TEX14: variants seen among roughly 807,000 people sequenced by gnomAD.
TEX14 encodes inactive serine/threonine-protein kinase TEX14.
TEX14 carries 168 observed loss-of-function variants against 178.6 expected under a neutral mutation model. The ratio of observed to expected loss-of-function variants is 0.94; its 90% CI spans 0.83 to 1.07. TEX14 has a LOEUF of 1.07. Ranked by LOEUF, TEX14 falls within the 50% of genes least tolerant of loss-of-function variation. The pLI is 0.00. For missense variants in TEX14, 1,730 were observed against 1,753.6 expected, an observed-to-expected ratio of 0.99 and a Z score of 0.24; for synonymous variants, 626 against 634.1, an observed-to-expected ratio of 0.99 and a Z score of 0.19.
In TEX14 at chr17:58,565,804, C is replaced by T. The variant is rs754003655; in HGVS notation, c.3907G>A (p.Gly1303Ser). The change falls in exon 27 of 32, where the codon GGC (glycine) becomes AGC (serine). Residue 1303 changes from glycine (G) to serine (S), a missense_variant. Transcript: ENST00000349033. ...TTCTCATGCAACACCGTGGATGAGC[C>T]CTGCTGCTGTTTCAAGAGCTCTGTC... is the stretch of plus-strand genomic sequence containing the variant. ...DDIELLKQQQ[G>S]SSTVLHENTA... The T allele has an allele frequency of 2.5e-6, 4 of 1,608,100 alleles. No individual in the cohort carries two copies. The South Asian group carries it at 4.5e-5, about 18-fold the overall frequency.
intron 2 of TEX14, among the ~76,000 whole-genome samples, chr17:58,643,769 G>A (rs188690360): frequency 1.2e-3 from 185 of 150,254 alleles, no homozygotes; most frequent in African/African-American, 4.3e-3. Flanking sequence ...CTAATAGGGA[G>A]GCTGAGGCAG....
chr17:58,679,642 GA>G (rs543711785), intron 1 of TEX14: 1 of 152,130 alleles, frequency 6.6e-6, no homozygotes, highest in Admixed American at 6.6e-5. Context: ...ACCTCACCCT[GA>G]AAAATCCACC....
chr17:58,661,705 G>C (rs1283602435), intron 1 of TEX14: 9 of 583,398 alleles, frequency 1.5e-5, no homozygotes, highest in Non-Finnish European at 2.7e-5. Context: ...CTGCACGGCA[G>C]GGCAGTCAGG....
In TEX14 at chr17:58,592,598, C is replaced by T. The variant is rs745896757; in HGVS notation, c.2576+957G>A. Among the ~76,000 whole-genome samples the T allele has an allele frequency of 4.0e-5, 6 of 150,302 alleles. No homozygotes were observed. The East Asian group carries it at 5.9e-4, about 15-fold the overall frequency. On this transcript the variant is annotated intron_variant, in intron 15 of 31. Coordinates refer to ENST00000349033, the MANE Select transcript of TEX14 (RefSeq NM_031272.5). The stretch of plus-strand genomic sequence containing the variant: ...ATCTGCCTGCCTTGGCCTCCCAAAG[C>T]GCTGGGATTACAGGTGTGAGCCACC...
rs1341763310 is a variant in TEX14 at position 58,570,489 on chromosome 17, A to G, written c.3718-5T>C. The G allele has an allele frequency of 2.8e-5, 42 of 1,519,806 alleles. No homozygotes were observed. The highest frequency in any genetic ancestry group is 3.2e-5 in the Non-Finnish European group (37 of 1,144,392). 94.1% of individuals were successfully genotyped at this position (1,519,806 alleles called of 1,614,324 possible). A position where few individuals can be genotyped will look rare whatever the true frequency, so the allele number is the denominator to read the frequency against. On this transcript the variant is annotated splice_polypyrimidine_tract_variant and splice_region_variant and intron_variant, in intron 24 of 31. Transcript: ENST00000349033. ...AATAAATGAAGACAATCTTTTCTAT[A>G]AGGAAGAGATAAACATGGTAACTGT...
intron 1 of TEX14, among the ~76,000 whole-genome samples, chr17:58,656,925 CA>C (rs60626361): frequency 0.018 from 1,441 of 79,552 alleles, 3 homozygotes; most frequent in Non-Finnish European, 0.02. Context: ...TCCCATCTCA[CA>C]AAAAAAAAAA....
At chr17:58,559,625 A>G in intron 29 of TEX14, 63 bp from the exon 30 acceptor site, 2 of 777,890 alleles carry the variant, frequency 2.6e-6, no homozygotes, top group Non-Finnish European at 4.5e-6. Flanking sequence ...ACAGGACTGT[A>G]CTCAAAACAA....
intron 10 of TEX14, among the ~76,000 whole-genome samples, chr17:58,608,699 G>A (rs1007922356): frequency 6.6e-6 from 1 of 152,248 alleles, no homozygotes; most frequent in Non-Finnish European, 1.5e-5. Flanking sequence ...TTTGCGTGAC[G>A]CATGTGAGAA....
Position 58,593,608 on chromosome 17 carries a change from G to A in TEX14, c.2523C>T (p.Cys841=), listed in dbSNP as rs149928664. 5.6e-6 allele frequency: 9 copies of A among 1,614,030 alleles called. No homozygotes were observed. The African/African-American group carries it at 8.0e-5, about 14-fold the overall frequency. ...CCAAACTGTCCTTGGCTCCTTGAGT[G>A]CACTGAAATTGTTCATCTGTGTTCT... is the stretch of plus-strand genomic sequence containing the variant. ...GKQNTDEQFQ[C]TQGAKDSLET... is the part of the protein sequence containing the mutation. The change falls in exon 15 of 32, where the codon TGC becomes TGT. Residue 841 remains cysteine (C), a synonymous_variant. Transcript: ENST00000349033.
chr17:58,567,778 C>T (rs984185128), intron 26 of TEX14: 2 of 152,204 alleles, frequency 1.3e-5, no homozygotes, highest in African/African-American at 4.8e-5. Flanking sequence ...CCAGATAATT[C>T]CCATAAGTGA....
At chr17:58,683,277 G>A (rs1453679462) in intron 1 of TEX14, among the ~76,000 whole-genome samples, 4 of 151,594 alleles carry the variant, frequency 2.6e-5, no homozygotes, top group Non-Finnish European at 5.9e-5. Flanking sequence ...GGAGGCTGAG[G>A]CAGGAGAATT....
intron 1 of TEX14, among the ~76,000 whole-genome samples, chr17:58,676,772 G>A (rs1449253830): frequency 6.6e-6 from 1 of 151,986 alleles, no homozygotes; most frequent in Non-Finnish European, 1.5e-5. Context: ...GATCACTTGA[G>A]GCCAAGAGTT....
chr17:58,690,903 A>G (rs533408934), intron 1 of TEX14, among the ~76,000 whole-genome samples: 1 of 152,288 alleles, frequency 6.6e-6, no homozygotes, highest in East Asian at 1.9e-4. Context: ...GTTTCACTCT[A>G]TCACCCAAGC....
At chr17:58,666,114 G>A (rs918867001) in intron 1 of TEX14, among the ~76,000 whole-genome samples, 3 of 151,888 alleles carry the variant, frequency 2.0e-5, no homozygotes, top group Admixed American at 2.0e-4. Context: ...GAGGCTGAAG[G>A]TGTGGATCAC....
intron 2 of TEX14, among the ~76,000 whole-genome samples, chr17:58,640,612 A>AGTGTGTGTGT (rs33931543): frequency 0.13 from 18,315 of 143,352 alleles, 1,410 homozygotes; most frequent in Non-Finnish European, 0.17. Context: ...CTTACCTTCT[A>AGTGTGTGTGT]GTGTGTGTGT....
At chr17:58,620,778 C>A (rs2045980426) in intron 5 of TEX14, among the ~76,000 whole-genome samples, 1 of 152,192 alleles carries the variant, frequency 6.6e-6, no homozygotes, top group African/African-American at 2.4e-5. Context: ...GTGTGAGCCA[C>A]TGTACCCAGC....
intron 3 of TEX14, among the ~76,000 whole-genome samples, chr17:58,629,621 G>A (rs2046233161): frequency 1.3e-5 from 2 of 151,856 alleles, no homozygotes. Context: ...TCAGGAGATT[G>A]AGACCATCCT....
At chr17:58,613,005 C>T (rs2045783213) in intron 9 of TEX14, among the ~76,000 whole-genome samples, 1 of 151,966 alleles carries the variant, frequency 6.6e-6, no homozygotes, top group Non-Finnish European at 1.5e-5. Flanking sequence ...AGTTTGAGAA[C>T]AGCCTGGCCA....
At chr17:58,680,963 T>C (rs749347835) in intron 1 of TEX14, among the ~76,000 whole-genome samples, 1 of 152,092 alleles carries the variant, frequency 6.6e-6, no homozygotes, top group Non-Finnish European at 1.5e-5. Flanking sequence ...TTTCCATCTT[T>C]ACAAAAGGAA....
Sources: allele counts gnomAD v4.1 joint callset (sites outside exome capture counted in the v4.1 genomes callset), GRCh38; gene constraint gnomAD v4.1.1; transcripts MANE v1.5; gene names NCBI Gene and HGNC (gene_info 2026-07-23, HGNC 2026-07-21).